RSF1: variants seen among roughly 807,000 people sequenced by gnomAD.
The protein encoded by RSF1 is remodeling and spacing factor 1.
RSF1 carries 13 observed loss-of-function variants against 145.2 expected under a neutral mutation model. The observed-to-expected ratio is 0.09, with a 90% confidence interval of 0.06 to 0.14. RSF1 has a LOEUF of 0.14. Among genes scored for constraint, RSF1 ranks in the 10% least tolerant of loss-of-function variants. RSF1 has a pLI of 1.00. For missense variants in RSF1, 1,517 were observed against 1,718.2 expected (o/e 0.88, Z 2.07); for synonymous variants, 577 against 592.6 (o/e 0.97, Z 0.38).
At chr11:77,727,538 A>C (rs1333019697) in intron 4 of RSF1, among the ~76,000 whole-genome samples, 1 of 135,892 alleles carries the variant, frequency 7.4e-6, no homozygotes, top group Non-Finnish European at 1.5e-5. Flanking sequence ...GTGCAATGGC[A>C]GGATCTTGGC....
chr11:77,693,871 G>A lies in RSF1; in HGVS notation c.2716-260C>T, dbSNP rs112298652. 1.9e-3 allele frequency among the ~76,000 whole-genome samples: 287 copies of A among 151,976 alleles called. 2 individuals are homozygous for A. Among genetic ancestry groups the A allele is most frequent in the Middle Eastern group, 6.8e-3 (2 of 294 alleles). ...ACAATTTTGGTTCACTGCAACCTCCGTCTCCCGGGTTCAAGTCATTCTCCT... is the reference window on the plus strand; with the variant it reads ...ACAATTTTGGTTCACTGCAACCTCCATCTCCCGGGTTCAAGTCATTCTCCT... On this transcript the variant is annotated intron_variant, in intron 7 of 15. Coordinates refer to ENST00000308488, the MANE Select transcript of RSF1 (RefSeq NM_016578.4).
chr11:77,829,019 A>G, the RSF1 span, among the ~76,000 whole-genome samples: 1 of 152,246 alleles, frequency 6.6e-6, no homozygotes, highest in Admixed American at 6.5e-5. Context: ...GTAATGGCAT[A>G]TGACAGACTG....
At chr11:77,807,748 G>C (rs1948691216) in intron 1 of RSF1, among the ~76,000 whole-genome samples, 1 of 152,180 alleles carries the variant, frequency 6.6e-6, no homozygotes. Flanking sequence ...ATGGAGCATT[G>C]TTAAGGCCTA....
At chr11:77,713,171 C>G (rs1012938746) in intron 5 of RSF1, among the ~76,000 whole-genome samples, 6 of 152,072 alleles carry the variant, frequency 3.9e-5, no homozygotes, top group South Asian at 2.1e-4. Context: ...ATTTATTTAT[C>G]ACCTACTACT....
intron 4 of RSF1, chr11:77,734,896 C>T (rs1352480141): frequency 4.4e-6 from 7 of 1,580,274 alleles, no homozygotes; most frequent in African/African-American, 1.3e-5. Flanking sequence ...CACATCATCA[C>T]GGTCAAAGCA....
chr11:77,685,402 T>C (rs1372809432), intron 9 of RSF1, among the ~76,000 whole-genome samples: 3 of 152,146 alleles, frequency 2.0e-5, no homozygotes. Context: ...TTCAAGTGAT[T>C]CTACTGCCTC....
chr11:77,743,341 C>T (rs978520545), intron 3 of RSF1, among the ~76,000 whole-genome samples: 1 of 152,194 alleles, frequency 6.6e-6, no homozygotes, highest in African/African-American at 2.4e-5. Context: ...GACATCTTAA[C>T]AAGATTAATT....
intron 5 of RSF1, among the ~76,000 whole-genome samples, chr11:77,722,869 AG>A (rs1443793469): frequency 6.6e-6 from 1 of 152,174 alleles, no homozygotes; most frequent in African/African-American, 2.4e-5. Context: ...ACCTAGAAAA[AG>A]TTTGTTCTGT....
At chr11:77,833,112 G>A in the RSF1 span, among the ~76,000 whole-genome samples, 1 of 148,300 alleles carries the variant, frequency 6.7e-6, no homozygotes, top group Admixed American at 6.9e-5. Flanking sequence ...CGAGGTTCAA[G>A]CAATTCTCCT....
At chr11:77,842,769 T>A in the RSF1 span, 1 of 1,193,534 alleles carries the variant, frequency 8.4e-7, no homozygotes, top group South Asian at 1.5e-5. Context: ...TTCACCCTTT[T>A]AAAGTATGCA....
At chr11:77,668,494 T>A (rs1489754105) in intron 15 of RSF1, among the ~76,000 whole-genome samples, 2 of 152,222 alleles carry the variant, frequency 1.3e-5, no homozygotes, top group African/African-American at 4.8e-5. Flanking sequence ...ATCTTAGTTA[T>A]TAGACGCCCT....
chr11:77,822,037 AAG>A (rs1182760516), upstream of RSF1, among the ~76,000 whole-genome samples: 1 of 152,130 alleles, frequency 6.6e-6, no homozygotes, highest in Non-Finnish European at 1.5e-5. Context: ...GTTATCAAAA[AAG>A]GAGTTCCTAT....
chr11:77,857,464 A>G, the RSF1 span, among the ~76,000 whole-genome samples: 3 of 152,220 alleles, frequency 2.0e-5, no homozygotes, highest in African/African-American at 4.8e-5. Context: ...AGGAATATCT[A>G]CAAATATTTA....
At chr11:77,715,908 C>T (rs1165841282) in intron 5 of RSF1, among the ~76,000 whole-genome samples, 1 of 152,174 alleles carries the variant, frequency 6.6e-6, no homozygotes, top group Non-Finnish European at 1.5e-5. Context: ...TAGCTGGGAC[C>T]AAAGGCGTGC....
At position 77,740,757 on chromosome 11, in the gene RSF1, A is replaced by T; in HGVS notation, c.552T>A (p.Asp184Glu). 1 of 1,614,152 alleles carries T rather than the reference A, an allele frequency of 6.2e-7. No homozygotes were observed. The highest frequency in any genetic ancestry group is 1.3e-5 in the African/African-American group (1 of 75,058). ...RMYIEEQDDQ[D>E]GSSWKCIVRN... is the part of the protein sequence containing the mutation. ...TGACAATGCATTTCCATGAAGAGCC[A>T]TCTTGATCATCTTGTTCTTCTATGT... is the stretch of plus-strand genomic sequence containing the variant. Residue 184 changes from aspartate to glutamate, a missense_variant, in exon 4 of 16, where the codon GAT becomes GAA. Coordinates refer to ENST00000308488, the MANE Select transcript of RSF1 (RefSeq NM_016578.4).
At chr11:77,778,339 T>C (rs778849746) in intron 1 of RSF1, among the ~76,000 whole-genome samples, 67 of 151,860 alleles carry the variant, frequency 4.4e-4, no homozygotes, top group Non-Finnish European at 7.5e-4. Context: ...GGTGTTTTAC[T>C]AAGACTGGGT....
At chr11:77,717,891 C>A (rs1266443999) in intron 5 of RSF1, 2 of 152,236 alleles carry the variant, frequency 1.3e-5, no homozygotes, top group Non-Finnish European at 2.9e-5. Context: ...AATTTAACAT[C>A]TTGTCTCACT....
chr11:77,838,852 G>A, the RSF1 span, among the ~76,000 whole-genome samples: 4 of 152,002 alleles, frequency 2.6e-5, no homozygotes, highest in East Asian at 5.8e-4. Flanking sequence ...TCCTGACCTC[G>A]TGATCCGCCC....
chr11:77,768,991 A>G (rs11237288), intron 1 of RSF1, among the ~76,000 whole-genome samples: 2,040 of 152,282 alleles, frequency 0.013, 24 homozygotes, highest in Non-Finnish European at 0.022. Flanking sequence ...ATTTATTTTT[A>G]AATTATCTTA....
Sources: allele counts gnomAD v4.1 joint callset (sites outside exome capture counted in the v4.1 genomes callset), GRCh38; gene constraint gnomAD v4.1.1; transcripts MANE v1.5; gene names NCBI Gene and HGNC (gene_info 2026-07-23, HGNC 2026-07-21).